The following RAB28 variants were observed in gnomAD, a reference collection of about 807,000 sequenced individuals.
RAB28 encodes ras-related protein Rab-28.
In RAB28, 24 loss-of-function variants were observed where a neutral mutation model predicts 31.7. That is an observed-to-expected ratio of 0.76 (90% CI 0.55 to 1.06). The LOEUF (loss-of-function observed/expected upper bound fraction) is 1.06, where lower values mean the gene tolerates loss of function less well. RAB28 is among the 50% of genes least tolerant of loss of function. The pLI, the probability that RAB28 is intolerant of heterozygous loss-of-function variation, is 0.00. For missense variants in RAB28, 254 were observed against 258.5 expected (o/e 0.98, Z 0.12); for synonymous variants, 100 against 90.4 (o/e 1.11, Z -0.60).
At chr4:13,370,266 G>C (rs1276758820) in intron 6 of RAB28, 2 of 962,792 alleles carry the variant, frequency 2.1e-6, no homozygotes, top group Non-Finnish European at 2.5e-6. Context: ...TTCCATTTTT[G>C]ATAACACAAT....
intron 4 of RAB28, among the ~76,000 whole-genome samples, chr4:13,455,443 C>T (rs1715245578): frequency 6.6e-6 from 1 of 152,216 alleles, no homozygotes; most frequent in Non-Finnish European, 1.5e-5. Flanking sequence ...ATCATGGGCC[C>T]AGGCTCTGAG....
At chr4:13,442,331 G>T (rs1018402530) in intron 4 of RAB28, among the ~76,000 whole-genome samples, 1 of 151,852 alleles carries the variant, frequency 6.6e-6, no homozygotes, top group South Asian at 2.1e-4. Context: ...TCAAATGATG[G>T]TTTATGCAGC....
intron 6 of RAB28, among the ~76,000 whole-genome samples, chr4:13,373,798 C>G (rs1728810521): frequency 6.6e-6 from 1 of 152,092 alleles, no homozygotes; most frequent in South Asian, 2.1e-4. Context: ...AGTAGAGCAT[C>G]AACATCAATG....
chr4:13,410,255 A>G (rs938100043), intron 4 of RAB28, among the ~76,000 whole-genome samples: 1 of 152,152 alleles, frequency 6.6e-6, no homozygotes, highest in Non-Finnish European at 1.5e-5. Context: ...TATCCCCATG[A>G]AACAATAAGC....
chr4:13,403,853 CAT>C (rs1253616796), intron 4 of RAB28, among the ~76,000 whole-genome samples: 1 of 152,240 alleles, frequency 6.6e-6, no homozygotes, highest in East Asian at 1.9e-4. Context: ...CAAATTCCAA[CAT>C]AGTTATACAT....
intron 4 of RAB28, 112 bp from the exon 5 acceptor site, chr4:13,381,706 G>T: frequency 1.4e-6 from 1 of 708,600 alleles, no homozygotes; most frequent in Non-Finnish European, 2.3e-6. Flanking sequence ...TTCGACATCA[G>T]CTGTGCAACC....
At chr4:13,430,616 G>A (rs1713759082) in intron 4 of RAB28, among the ~76,000 whole-genome samples, 1 of 152,214 alleles carries the variant, frequency 6.6e-6, no homozygotes, top group African/African-American at 2.4e-5. Context: ...CCTGAACTGA[G>A]ACAGTGGGTG....
At chr4:13,417,554 G>C (rs544161686) in intron 4 of RAB28, among the ~76,000 whole-genome samples, 1 of 152,276 alleles carries the variant, frequency 6.6e-6, no homozygotes, top group African/African-American at 2.4e-5. Context: ...GGAAGGATCA[G>C]GCAGCAATAT....
intron 4 of RAB28, among the ~76,000 whole-genome samples, chr4:13,431,825 A>G (rs1015966636): frequency 6.6e-6 from 1 of 152,146 alleles, no homozygotes; most frequent in Non-Finnish European, 1.5e-5. Flanking sequence ...ATACAAAAAT[A>G]AGAAGCGACA....
At chr4:13,369,246 T>C (rs559267090) in intron 6 of RAB28, among the ~76,000 whole-genome samples, 5 of 152,230 alleles carry the variant, frequency 3.3e-5, no homozygotes, top group Admixed American at 2.6e-4. Flanking sequence ...CTATTGGTTA[T>C]GAATACAACT....
chr4:13,460,909 A>T, intron 3 of RAB28, 81 bp from the exon 4 acceptor site: 1 of 1,310,974 alleles, frequency 7.6e-7, no homozygotes, highest in Admixed American at 2.1e-5. Context: ...AATGCTTCAG[A>T]TATGTCAAAA....
At chr4:13,407,438 C>T (rs1358772363) in intron 4 of RAB28, among the ~76,000 whole-genome samples, 2 of 152,090 alleles carry the variant, frequency 1.3e-5, no homozygotes, top group Admixed American at 1.3e-4. Flanking sequence ...AGTCAGGTAG[C>T]GTGATGCTTC....
At chr4:13,468,681 T>C (rs754534586) in intron 3 of RAB28, among the ~76,000 whole-genome samples, 1 of 150,754 alleles carries the variant, frequency 6.6e-6, no homozygotes, top group Non-Finnish European at 1.5e-5. Flanking sequence ...GTAATTTCAG[T>C]CAAAAGCGAG....
At chr4:13,479,069 A>G (rs1440779889) in intron 2 of RAB28, among the ~76,000 whole-genome samples, 2 of 151,744 alleles carry the variant, frequency 1.3e-5, no homozygotes, top group African/African-American at 4.8e-5. Flanking sequence ...TAATATTTTA[A>G]AAAATAATCC....
At chr4:13,382,337 C>A (rs995079920) in intron 4 of RAB28, among the ~76,000 whole-genome samples, 3 of 151,990 alleles carry the variant, frequency 2.0e-5, no homozygotes, top group African/African-American at 7.2e-5. Context: ...ACTACAGACC[C>A]TATAAGGGTG....
At chr4:13,370,119 A>AC (rs1443642939) in intron 6 of RAB28, 3 of 977,628 alleles carry the variant, frequency 3.1e-6, no homozygotes. Context: ...TCACACACAC[A>AC]CGCACACACA....
chr4:13,467,136 C>T (rs1212901026), intron 3 of RAB28, among the ~76,000 whole-genome samples: 2 of 151,728 alleles, frequency 1.3e-5, no homozygotes, highest in African/African-American at 4.8e-5. Context: ...TATTATGTAT[C>T]ATACATTTCA....
intron 4 of RAB28, among the ~76,000 whole-genome samples, chr4:13,391,224 C>T (rs192945455): frequency 9.9e-5 from 15 of 152,230 alleles, no homozygotes; most frequent in Admixed American, 4.6e-4. Context: ...AAACAAACAA[C>T]CCCATCAAAA....
At chr4:13,478,515 G>A (rs1322984437) in intron 2 of RAB28, among the ~76,000 whole-genome samples, 1 of 151,492 alleles carries the variant, frequency 6.6e-6, no homozygotes, top group East Asian at 1.9e-4. Flanking sequence ...TGTCTGAGAG[G>A]TTAACATATT....
Sources: allele counts gnomAD v4.1 joint callset (sites outside exome capture counted in the v4.1 genomes callset), GRCh38; gene constraint gnomAD v4.1.1; transcripts MANE v1.5; gene names NCBI Gene and HGNC (gene_info 2026-07-23, HGNC 2026-07-21).